Variants in ARPC1B observed in about 807,000 individuals in gnomAD.
The protein encoded by ARPC1B is actin-related protein 2/3 complex subunit 1B.
In ARPC1B, 29 loss-of-function variants were observed where a neutral mutation model predicts 46.0. That is an observed-to-expected ratio of 0.63 (90% CI 0.47 to 0.86). The LOEUF (loss-of-function observed/expected upper bound fraction) is 0.86, where lower values mean the gene tolerates loss of function less well. ARPC1B is among the 40% of genes least tolerant of loss of function. ARPC1B has a pLI of 0.00. For synonymous variants in ARPC1B, 201 were observed against 213.9 expected, an observed-to-expected ratio of 0.94 and a Z score of 0.53; for missense variants, 469 against 529.4, an observed-to-expected ratio of 0.89 and a Z score of 1.12.
intron 1 of ARPC1B, among the ~76,000 whole-genome samples, chr7:99,375,542 C>T (rs2150883205): frequency 6.6e-6 from 1 of 150,814 alleles, no homozygotes; most frequent in Admixed American, 6.6e-5. Context: ...CCGGGCTGCA[C>T]CCGCGGGCAG....
chr7:99,378,840 A>G (rs922850297), intron 1 of ARPC1B, among the ~76,000 whole-genome samples: 1 of 128,874 alleles, frequency 7.8e-6, no homozygotes, highest in African/African-American at 3.3e-5. Flanking sequence ...GCAGTGGCGC[A>G]ATCTCGGCTC....
intron 7 of ARPC1B, chr7:99,392,041 A>G (rs1366056052): frequency 6.6e-6 from 1 of 152,124 alleles, no homozygotes; most frequent in East Asian, 1.9e-4. Context: ...ACAGAAAAAA[A>G]AAGATATTTA....
intron 8 of ARPC1B, among the ~76,000 whole-genome samples, chr7:99,393,444 G>A (rs908760459): frequency 6.6e-6 from 1 of 152,132 alleles, no homozygotes; most frequent in African/African-American, 2.4e-5. Context: ...CGGGCTTCCT[G>A]GGCGGGGTCA....
At chr7:99,387,271 G>A (rs1285410132) in intron 3 of ARPC1B, among the ~76,000 whole-genome samples, 1 of 151,640 alleles carries the variant, frequency 6.6e-6, no homozygotes, top group Non-Finnish European at 1.5e-5. Context: ...ACTAAATGTT[G>A]AAAAATACAG....
chr7:99,379,119 A>G (rs1170164139), intron 1 of ARPC1B, among the ~76,000 whole-genome samples: 2 of 152,140 alleles, frequency 1.3e-5, no homozygotes, highest in Admixed American at 6.6e-5. Context: ...ATTCTGTTCT[A>G]TTAATATTTG....
chr7:99,392,904 G>C (rs756075498), intron 8 of ARPC1B, 28 bp downstream of exon 8: 188 of 1,518,738 alleles, frequency 1.2e-4, no homozygotes, highest in Non-Finnish European at 1.6e-4. Flanking sequence ...GCCGGCGGGT[G>C]GGCGGGGCCT....
intron 7 of ARPC1B, 54 bp from the exon 8 acceptor site, chr7:99,392,617 T>G (rs944137345): frequency 6.4e-6 from 9 of 1,416,992 alleles, no homozygotes; most frequent in African/African-American, 1.5e-5. Context: ...TGGCCTTCCC[T>G]CCGGCCTCGG....
rs765083662 is a variant in ARPC1B, at chr7:99,387,406, C to A, written c.169+617C>A. The stretch of plus-strand genomic sequence containing the variant: ...CTGAGATTGCACCACTGCACTCCAG[C>A]CTGGATGGCAGAGCGAGACTGTGTC... On this transcript the variant is annotated intron_variant, in intron 3 of 9. Coordinates refer to ENST00000646101, the MANE Select transcript of ARPC1B (RefSeq NM_005720.4). 1.4e-4 allele frequency among the ~76,000 whole-genome samples: 21 copies of A among 152,098 alleles called. No homozygotes were observed. The East Asian group carries it at 3.9e-3, about 28-fold the overall frequency.
rs565330353 is a variant in ARPC1B at position 99,386,810 on chromosome 7, C to A, written c.169+21C>A. The A allele has an allele frequency of 1.6e-4, 247 of 1,590,152 alleles. 5 individuals are homozygous for A. The South Asian group carries it at 2.5e-3, about 16-fold the overall frequency. Reference sequence around the variant, plus strand: ...GACAGGTATGTCAGGGTGGCTGGGACCACCGTCCTGAAAGGAGGTGGTGGG... The same window carrying A: ...GACAGGTATGTCAGGGTGGCTGGGAACACCGTCCTGAAAGGAGGTGGTGGG... On this transcript the variant is annotated intron_variant, in intron 3 of 9. Coordinates refer to ENST00000646101, the MANE Select transcript of ARPC1B (RefSeq NM_005720.4).
chr7:99,375,435 C>T (rs1198486921), intron 1 of ARPC1B, among the ~76,000 whole-genome samples: 1 of 152,178 alleles, frequency 6.6e-6, no homozygotes, highest in Non-Finnish European at 1.5e-5. Context: ...AACGCACCCC[C>T]TCAGCTGCAG....
intron 5 of ARPC1B, 47 bp from the exon 6 acceptor site, chr7:99,390,846 C>T (rs1584410223): frequency 2.6e-6 from 4 of 1,528,850 alleles, no homozygotes; most frequent in Non-Finnish European, 3.6e-6. Flanking sequence ...TACAGGTGCG[C>T]ACCACCATGC....
At chr7:99,384,860 CTT>C (rs1245581099) in intron 1 of ARPC1B, among the ~76,000 whole-genome samples, 3 of 101,192 alleles carry the variant, frequency 3.0e-5, no homozygotes, top group Non-Finnish European at 4.1e-5. Context: ...TACTTCATTT[CTT>C]TTTTTTTTTT....
Position 99,394,498 on chromosome 7 carries a change from G to C in ARPC1B, c.*9G>C. On this transcript the variant is annotated 3_prime_UTR_variant, in exon 10 of 10. Transcript: ENST00000646101. ...ACCTCAAGATCAAATGACCTGTGAG[G>C]AATATGTTGCCTTCATCCTAGCTGC... The C allele has an allele frequency of 1.2e-6, 2 of 1,614,052 alleles. No homozygotes were observed. Among genetic ancestry groups the C allele is most frequent in the Non-Finnish European group, 8.5e-7 (1 of 1,180,018 alleles).
At position 99,394,627 on chromosome 7, in the gene ARPC1B, G is replaced by A; in HGVS notation, c.*138G>A. The stretch of plus-strand genomic sequence containing the variant: ...TAGGGGCTGCTCCCTCAAAAAGGGA[G>A]GGGACAGATGGGGAGCTTTTCTTAC... On this transcript the variant is annotated 3_prime_UTR_variant, in exon 10 of 10. Transcript: ENST00000646101. 1.4e-6 allele frequency: 2 copies of A among 1,474,172 alleles called. No homozygotes were observed. The highest frequency in any genetic ancestry group is 1.8e-6 in the Non-Finnish European group (2 of 1,111,670). 91.3% of individuals were successfully genotyped at this position (1,474,172 alleles called of 1,614,324 possible). A position where few individuals can be genotyped will look rare whatever the true frequency, so the allele number is the denominator to read the frequency against.
rs1311458587 is a variant in ARPC1B, at chr7:99,394,757, G to A, written c.*268G>A. ...TGGTCATGAACTGCTTCAAAATGTGGAGGTAATAAAATGCAACTGTGTAAA... is the reference window on the plus strand; with the variant it reads ...TGGTCATGAACTGCTTCAAAATGTGAAGGTAATAAAATGCAACTGTGTAAA... On this transcript the variant is annotated 3_prime_UTR_variant, in exon 10 of 10. Transcript: ENST00000646101. 4 of 1,213,270 alleles carry A rather than the reference G, an allele frequency of 3.3e-6. No individual in the cohort carries two copies. The highest frequency in any genetic ancestry group is 3.2e-5 in the East Asian group (1 of 31,092). The allele number at this position is 1,213,270 out of a possible 1,614,324, so 75.2% of individuals were successfully genotyped here. A position where few individuals can be genotyped will look rare whatever the true frequency, so the allele number is the denominator to read the frequency against.
intron 9 of ARPC1B, 73 bp from the exon 10 acceptor site, chr7:99,394,378 G>C: frequency 5.2e-6 from 7 of 1,340,272 alleles, no homozygotes; most frequent in South Asian, 4.7e-5. Context: ...GCTGAGATGG[G>C]TGATCAGGTC....
intron 1 of ARPC1B, among the ~76,000 whole-genome samples, chr7:99,379,471 C>T (rs560734612): frequency 1.3e-5 from 2 of 152,206 alleles, no homozygotes; most frequent in East Asian, 1.9e-4. Context: ...GGGGACTTCC[C>T]AGAGCGCCTG....
rs150232928 is a variant in ARPC1B, at chr7:99,388,657, G to A, written c.392+396G>A. The stretch of plus-strand genomic sequence containing the variant: ...CTTGTTCCTTTTTTTTTTTTCAGAT[G>A]GAGTCTCACTCTGTCACCCAGGCTG... On this transcript the variant is annotated intron_variant, in intron 4 of 9. Coordinates refer to ENST00000646101, the MANE Select transcript of ARPC1B (RefSeq NM_005720.4). 862 of 168,480 alleles carry A rather than the reference G, an allele frequency of 5.1e-3. 6 individuals carry two copies. The highest frequency in any genetic ancestry group is 0.02 in the African/African-American group (828 of 42,048). 10.4% of individuals were successfully genotyped at this position (168,480 alleles called of 1,614,324 possible). A position where few individuals can be genotyped will look rare whatever the true frequency, so the allele number is the denominator to read the frequency against.
chr7:99,389,864 G>A (rs1469541143), intron 4 of ARPC1B, 41 bp from the exon 5 acceptor site: 4 of 1,548,894 alleles, frequency 2.6e-6, no homozygotes, highest in Non-Finnish European at 3.6e-6. Context: ...AGTCCCACCT[G>A]CCTGTCCCTC....
Sources: allele counts gnomAD v4.1 joint callset (sites outside exome capture counted in the v4.1 genomes callset), GRCh38; gene constraint gnomAD v4.1.1; transcripts MANE v1.5; gene names NCBI Gene and HGNC (gene_info 2026-07-23, HGNC 2026-07-21).